The following IMPA2 variants were observed in gnomAD, a reference collection of about 807,000 sequenced individuals.
IMPA2 encodes inositol monophosphatase 2, also known as IMP 2.
IMPA2 carries 32 observed loss-of-function variants against 35.1 expected under a neutral mutation model. The ratio of observed to expected loss-of-function variants is 0.91; its 90% CI spans 0.69 to 1.23. IMPA2 has a LOEUF of 1.23. Ranked by LOEUF, IMPA2 falls within the 50% of genes most tolerant of loss-of-function variation. The pLI is 0.00. For synonymous variants in IMPA2, 135 were observed against 160.6 expected (o/e 0.84, Z 1.20); for missense variants, 334 against 387.6 (o/e 0.86, Z 1.16).
At position 12,010,697 on chromosome 18, in the gene IMPA2, G is replaced by A. The variant is rs1907410213; in HGVS notation, c.335+710G>A. Reference sequence around the variant, plus strand: ...TGGAGAGATTCCCATTCCATGGGCGGGTGGCTTGCAGCTCCTGCGCTCACA... The same window carrying A: ...TGGAGAGATTCCCATTCCATGGGCGAGTGGCTTGCAGCTCCTGCGCTCACA... On this transcript the variant is annotated intron_variant, in intron 3 of 7. Transcript: ENST00000269159. This position sits in a 1 kb window ranked among gnomAD's most constrained non-coding sequence, Gnocchi z 4.8. 6.6e-6 allele frequency among the ~76,000 whole-genome samples: 1 copy of A among 152,150 alleles called. No homozygotes were observed. Among genetic ancestry groups the A allele is most frequent in the African/African-American group, 2.4e-5 (1 of 41,430 alleles).
intron 5 of IMPA2, among the ~76,000 whole-genome samples, chr18:12,023,974 A>T (rs940385649): frequency 1.3e-5 from 2 of 152,370 alleles, no homozygotes; most frequent in Middle Eastern, 6.8e-3. Context: ...CGTTTGATTC[A>T]GAAATCCCAC....
intron 1 of IMPA2, among the ~76,000 whole-genome samples, chr18:11,985,356 G>A (rs1242344373): frequency 1.3e-5 from 2 of 151,996 alleles, no homozygotes; most frequent in Non-Finnish European, 2.9e-5. Flanking sequence ...GTTTCATACT[G>A]TTTGCATCTT....
chr18:11,999,579 C>G (rs1907060385), intron 2 of IMPA2, among the ~76,000 whole-genome samples: 1 of 152,240 alleles, frequency 6.6e-6, no homozygotes, highest in African/African-American at 2.4e-5. Context: ...TGTTCAGCTG[C>G]CTGGGCAACT....
At chr18:12,022,941 A>ATTTTTT (rs35737614) in intron 5 of IMPA2, among the ~76,000 whole-genome samples, 5 of 81,672 alleles carry the variant, frequency 6.1e-5, no homozygotes, top group South Asian at 5.7e-4. Context: ...CGCCTGCCTA[A>ATTTTTT]TTTTTTTTTT....
intron 1 of IMPA2, among the ~76,000 whole-genome samples, chr18:11,983,260 G>C (rs1227785695): frequency 6.6e-6 from 1 of 152,230 alleles, no homozygotes; most frequent in Non-Finnish European, 1.5e-5. Flanking sequence ...GGAAAGCAGA[G>C]CTGCTGTGTG....
intron 1 of IMPA2, among the ~76,000 whole-genome samples, chr18:11,989,558 C>T (rs652602): frequency 0.032 from 4,893 of 152,264 alleles, 270 homozygotes; most frequent in African/African-American, 0.11. Context: ...GTCCGAGGCC[C>T]ACTGCTCCTG....
chr18:11,984,042 C>T (rs1419440226), intron 1 of IMPA2, among the ~76,000 whole-genome samples: 3 of 152,118 alleles, frequency 2.0e-5, no homozygotes, highest in African/African-American at 7.2e-5. Flanking sequence ...CTCTCAGCTG[C>T]CCCTGAGATG....
At chr18:12,012,398 T>A (rs1907458896) in intron 4 of IMPA2, 183 bp downstream of exon 4, 6 of 614,298 alleles carry the variant, frequency 9.8e-6, no homozygotes, top group Non-Finnish European at 1.7e-5. Context: ...GGCTTTGGGG[T>A]GTGCGGGGTG....
chr18:12,025,691 T>C (rs1907863003), intron 5 of IMPA2, among the ~76,000 whole-genome samples: 1 of 152,220 alleles, frequency 6.6e-6, no homozygotes, highest in Non-Finnish European at 1.5e-5. Flanking sequence ...GCGATTCTCC[T>C]GCCTCAGCCT....
rs760456392 is a variant in IMPA2, at chr18:12,012,274, C to G, written c.381+59C>G. On this transcript the variant is annotated intron_variant, in intron 4 of 7. Transcript: ENST00000269159. Reference sequence around the variant, plus strand: ...CCTGGGCTCCCTCTGGCCATCCTTCCTTTCTGGCTTCAGCCTCTGTGCGCC... The same window carrying G: ...CCTGGGCTCCCTCTGGCCATCCTTCGTTTCTGGCTTCAGCCTCTGTGCGCC... 2.1e-6 allele frequency: 3 copies of G among 1,441,868 alleles called. No homozygotes were observed. The South Asian group carries it at 3.4e-5, about 16-fold the overall frequency. The allele number at this position is 1,441,868 out of a possible 1,614,324, so 89.3% of individuals were successfully genotyped here. A position where few individuals can be genotyped will look rare whatever the true frequency, so the allele number is the denominator to read the frequency against.
chr18:12,029,867 G>C (rs924539669), intron 7 of IMPA2, among the ~76,000 whole-genome samples: 2 of 152,198 alleles, frequency 1.3e-5, no homozygotes, highest in Admixed American at 6.5e-5. Context: ...CATCTTGCCC[G>C]AGCTTCTTCG....
rs1043013604 is a variant in IMPA2 at position 12,010,172 on chromosome 18, A to G, written c.335+185A>G. ...TAAAATAAGGTTTTCCGTTTGTGAG[A>G]GGCTCTTGGAGTATGTTAGGAAATC... On this transcript the variant is annotated intron_variant, in intron 3 of 7. Transcript: ENST00000269159. This position sits in a 1 kb window ranked among gnomAD's most constrained non-coding sequence, Gnocchi z 4.8. 2.1e-5 allele frequency: 11 copies of G among 516,204 alleles called. No homozygotes were observed. The highest frequency in any genetic ancestry group is 3.8e-5 in the Non-Finnish European group (11 of 291,608). 32.0% of individuals were successfully genotyped at this position (516,204 alleles called of 1,614,324 possible).
At chr18:12,008,636 T>G (rs144823189) in intron 2 of IMPA2, 3 of 441,666 alleles carry the variant, frequency 6.8e-6, no homozygotes, top group African/African-American at 4.0e-5. Flanking sequence ...CCTGTGTGTG[T>G]GGGCCTGCGT....
intron 5 of IMPA2, among the ~76,000 whole-genome samples, chr18:12,027,182 A>G (rs1224426573): frequency 6.6e-6 from 1 of 152,202 alleles, no homozygotes; most frequent in Non-Finnish European, 1.5e-5. Flanking sequence ...CTGACGGGAC[A>G]TGACCGAAGT....
Position 12,014,274 on chromosome 18 carries a change from G to C in IMPA2, c.391G>C (p.Gly131Arg). The change falls in exon 5 of 8, where the codon GGA becomes CGA. Residue 131 changes from glycine (G) to arginine (R), a missense_variant. By Grantham distance (125) the Gly-to-Arg change is moderately radical. Coordinates refer to ENST00000269159, the MANE Select transcript of IMPA2 (RefSeq NM_014214.3). ...GFAVRQELEF[G>R]VIYHCTEERL... ...CCTCTGCCGCCCACAGCTTGAATTC[G>C]GAGTGATTTACCACTGCACAGAGGA... 6.2e-7 allele frequency: 1 copy of C among 1,613,594 alleles called. No individual in the cohort carries two copies. The highest frequency in any genetic ancestry group is 8.5e-7 in the Non-Finnish European group (1 of 1,179,644).
chr18:11,999,014 T>C (rs1200127228), intron 1 of IMPA2, 40 bp from the exon 2 acceptor site: 1 of 1,530,980 alleles, frequency 6.5e-7, no homozygotes, highest in East Asian at 2.6e-5. Flanking sequence ...GGGAGGAGGA[T>C]GTTTGCATGT....
intron 5 of IMPA2, among the ~76,000 whole-genome samples, chr18:12,017,460 C>T (rs1356616149): frequency 6.6e-6 from 1 of 152,156 alleles, no homozygotes; most frequent in Non-Finnish European, 1.5e-5. Context: ...TTCAAATTTC[C>T]AATTGTCTCG....
chr18:11,984,454 G>A (rs995425661), intron 1 of IMPA2, among the ~76,000 whole-genome samples: 6 of 152,256 alleles, frequency 3.9e-5, no homozygotes, highest in African/African-American at 1.4e-4. Flanking sequence ...CAGAAGTATT[G>A]TAGACAGCTC....
chr18:12,023,467 T>C (rs1907792380), intron 5 of IMPA2, among the ~76,000 whole-genome samples: 1 of 152,222 alleles, frequency 6.6e-6, no homozygotes, highest in Non-Finnish European at 1.5e-5. Flanking sequence ...AACTTCCCTT[T>C]GTGAAATACC....
Sources: gnomAD v4.1 joint callset for allele counts (sites outside exome capture counted in the v4.1 genomes callset) on GRCh38, gnomAD v4.1.1 for gene constraint, Gnocchi (gnomAD v3.1) non-coding constraint, MANE v1.5 for transcripts, NCBI Gene and HGNC (gene_info 2026-07-23, HGNC 2026-07-21) for gene names.